The following USH2A variants were observed in gnomAD, a reference collection of about 807,000 sequenced individuals.
USH2A encodes the protein usherin.
In USH2A, 443 loss-of-function variants were observed where a neutral mutation model predicts 538.9. The ratio of observed to expected loss-of-function variants is 0.82; its 90% CI spans 0.76 to 0.89. USH2A has a LOEUF of 0.89. Ranked by LOEUF, USH2A falls within the 40% of genes least tolerant of loss-of-function variation. The pLI, the probability that USH2A is intolerant of heterozygous loss-of-function variation, is 0.00. For synonymous variants in USH2A, 2,413 were observed against 2,273.5 expected, an observed-to-expected ratio of 1.06 and a Z score of -1.75; for missense variants, 6,633 against 6,324.8, an observed-to-expected ratio of 1.05 and a Z score of -1.65.
chr1:215,794,278 A>G (rs1393308871), intron 50 of USH2A, among the ~76,000 whole-genome samples: 1 of 152,206 alleles, frequency 6.6e-6, no homozygotes, highest in South Asian at 2.1e-4. Context: ...AGTCAATTCA[A>G]TGTGATTTTG....
chr1:216,243,092 T>C (rs2035968213), intron 13 of USH2A, among the ~76,000 whole-genome samples: 1 of 152,160 alleles, frequency 6.6e-6, no homozygotes, highest in Non-Finnish European at 1.5e-5. Flanking sequence ...CATAACCAGG[T>C]TAATATCCTG....
intron 22 of USH2A, among the ~76,000 whole-genome samples, chr1:216,092,684 G>A (rs1046010868): frequency 6.6e-6 from 1 of 152,114 alleles, no homozygotes; most frequent in Non-Finnish European, 1.5e-5. Context: ...AAATTCATTG[G>A]AAGTAAGGAA....
At chr1:215,656,946 A>AAC (rs1657273554) in intron 64 of USH2A, among the ~76,000 whole-genome samples, 8 of 152,268 alleles carry the variant, frequency 5.3e-5, no homozygotes, top group African/African-American at 1.9e-4. Context: ...GTTGTATGTT[A>AAC]ACGGGCAAAC....
At chr1:215,657,717 C>T (rs1657305595) in intron 64 of USH2A, among the ~76,000 whole-genome samples, 1 of 152,108 alleles carries the variant, frequency 6.6e-6, no homozygotes, top group Non-Finnish European at 1.5e-5. Flanking sequence ...CATTGTCTTG[C>T]TTTCCATGAG....
intron 48 of USH2A, 51 bp from the exon 49 acceptor site, chr1:215,813,955 T>A (rs1218523809): frequency 6.4e-7 from 1 of 1,561,212 alleles, no homozygotes; most frequent in South Asian, 1.1e-5. Context: ...TTAAGAGTGT[T>A]ATACCACTGT....
intron 11 of USH2A, among the ~76,000 whole-genome samples, chr1:216,283,766 A>G (rs1220874964): frequency 6.6e-6 from 1 of 152,106 alleles, no homozygotes; most frequent in Non-Finnish European, 1.5e-5. Flanking sequence ...TTTTTGACTT[A>G]TGTATTTATT....
At position 215,728,347 on chromosome 1, in the gene USH2A, C is replaced by A. The variant is rs749103282; in HGVS notation, c.11749G>T (p.Val3917Phe). The change falls in exon 61 of 72, where the codon GTC (valine) becomes TTC (phenylalanine). Residue 3917 changes from valine to phenylalanine, a missense_variant. Transcript: ENST00000307340. ...AATTCAAGGGCTCCTTCTGACCAGA[C>A]AAATAAAACAGACTCCTCTTCAATG... ...AGIEEESVLF[V>F]WSEGALEFMD... The A allele has an allele frequency of 6.2e-7, 1 of 1,614,174 alleles. No individual in the cohort carries two copies. Among genetic ancestry groups the A allele is most frequent in the Non-Finnish European group, 8.5e-7 (1 of 1,180,036 alleles).
At chr1:215,693,445 T>C (rs1293154396) in intron 61 of USH2A, among the ~76,000 whole-genome samples, 12 of 152,136 alleles carry the variant, frequency 7.9e-5, no homozygotes, top group Admixed American at 7.9e-4. Context: ...GTTAAATGTC[T>C]TACCTAGAGT....
In USH2A at chr1:216,246,576, C is replaced by A. The variant is rs753646775; in HGVS notation, c.2809+9G>T. 9 of 1,613,982 alleles carry A rather than the reference C, an allele frequency of 5.6e-6. No individual in the cohort carries two copies. Among genetic ancestry groups the A allele is most frequent in the Non-Finnish European group, 7.6e-6 (9 of 1,179,890 alleles). On this transcript the variant is annotated intron_variant, in intron 13 of 71. Transcript: ENST00000307340. ...TGTGCACTGAAAATGTAATACATTT[C>A]TTTCTTACCTGGTTGACACTGATTA...
At chr1:216,311,868 T>C (rs1204872737) in intron 9 of USH2A, among the ~76,000 whole-genome samples, 1 of 152,208 alleles carries the variant, frequency 6.6e-6, no homozygotes, top group East Asian at 1.9e-4. Flanking sequence ...CTATCATTCA[T>C]TTCACTTACA....
intron 43 of USH2A, among the ~76,000 whole-genome samples, chr1:215,876,149 T>C (rs1207588330): frequency 6.6e-6 from 1 of 151,990 alleles, no homozygotes; most frequent in East Asian, 1.9e-4. Flanking sequence ...GTGATAATCA[T>C]ATAGGGATGC....
At chr1:216,105,846 CTA>C (rs2032716852) in intron 21 of USH2A, among the ~76,000 whole-genome samples, 1 of 151,712 alleles carries the variant, frequency 6.6e-6, no homozygotes, top group African/African-American at 2.4e-5. Flanking sequence ...AATTTAAGTG[CTA>C]TGTTTTGAAT....
intron 11 of USH2A, among the ~76,000 whole-genome samples, chr1:216,254,619 C>T (rs2036225780): frequency 6.6e-6 from 1 of 152,196 alleles, no homozygotes; most frequent in Admixed American, 6.5e-5. Flanking sequence ...CAAGCTCATG[C>T]TATCCTGCTG....
At chr1:215,882,563 C>T (rs1432308976) in intron 41 of USH2A, among the ~76,000 whole-genome samples, 1 of 151,988 alleles carries the variant, frequency 6.6e-6, no homozygotes, top group East Asian at 1.9e-4. Context: ...TTAATTGTGG[C>T]TCTGTTTTAT....
Position 215,671,236 on chromosome 1 carries a change from T to A in USH2A, c.13869A>T (p.Thr4623=), listed in dbSNP as rs2102661513. ...GTGCAATCTCAGGGGTCTGTATGAA[T>A]GTCCAGTCACTTGATGCACATCCCA... ...TTLGCASSDW[T]FIQTPEIAPL... is the part of the protein sequence containing the mutation. Residue 4623 remains threonine (T), a synonymous_variant, in exon 64 of 72, where the codon ACA becomes ACT. Coordinates refer to ENST00000307340, the MANE Select transcript of USH2A (RefSeq NM_206933.4). 2 of 1,614,172 alleles carry A rather than the reference T, an allele frequency of 1.2e-6. No individual in the cohort carries two copies. The highest frequency in any genetic ancestry group is 2.2e-5 in the South Asian group (2 of 91,088).
chr1:216,407,686 G>A (rs2039418547), intron 3 of USH2A, among the ~76,000 whole-genome samples: 1 of 152,078 alleles, frequency 6.6e-6, no homozygotes, highest in South Asian at 2.1e-4. Flanking sequence ...CCTGACGTTA[G>A]TGCGAATTGT....
intron 21 of USH2A, among the ~76,000 whole-genome samples, chr1:216,121,001 A>T (rs1221702382): frequency 6.6e-6 from 1 of 152,170 alleles, no homozygotes. Context: ...AGTTTTGTTT[A>T]AAAAAATGAG....
At chr1:216,353,477 A>G (rs2038325563) in intron 4 of USH2A, among the ~76,000 whole-genome samples, 1 of 152,168 alleles carries the variant, frequency 6.6e-6, no homozygotes, top group South Asian at 2.1e-4. Context: ...AGAAACAGAT[A>G]TAAAAGTTAA....
At chr1:216,180,403 C>G (rs866129661) in intron 20 of USH2A, among the ~76,000 whole-genome samples, 2 of 151,842 alleles carry the variant, frequency 1.3e-5, no homozygotes, top group African/African-American at 2.4e-5. Context: ...TCTATCTATT[C>G]GATGTATAGA....
Sources: gnomAD v4.1 joint callset for allele counts (sites outside exome capture counted in the v4.1 genomes callset) on GRCh38, gnomAD v4.1.1 for gene constraint, MANE v1.5 for transcripts, NCBI Gene and HGNC (gene_info 2026-07-23, HGNC 2026-07-21) for gene names.